Variants in RALGAPA1 observed in about 807,000 individuals in gnomAD.
The protein encoded by RALGAPA1 is ral GTPase-activating protein subunit alpha-1.
RALGAPA1 carries 52 observed loss-of-function variants against 269.6 expected under a neutral mutation model. The observed-to-expected ratio is 0.19, with a 90% CI of 0.15 to 0.24. RALGAPA1 has a LOEUF of 0.24. Among genes scored for constraint, RALGAPA1 ranks in the 10% least tolerant of loss-of-function variants. The probability of loss-of-function intolerance (pLI) is 1.00; values close to 1 mark genes in which losing one functional copy is unlikely to be tolerated. For synonymous variants in RALGAPA1, 817 were observed against 1,008.3 expected, an observed-to-expected ratio of 0.81 and a Z score of 3.60; for missense variants, 1,917 against 3,013.9, an observed-to-expected ratio of 0.64 and a Z score of 8.52.
At chr14:35,793,314 G>A (rs145629533) in intron 1 of RALGAPA1, among the ~76,000 whole-genome samples, 3,310 of 149,884 alleles carry the variant, frequency 0.022, 125 homozygotes, top group South Asian at 0.14. Context: ...CTCGGCTCAC[G>A]ACAACCTCCG....
intron 19 of RALGAPA1, among the ~76,000 whole-genome samples, chr14:35,685,796 C>T (rs2065874333): frequency 6.6e-6 from 1 of 152,114 alleles, no homozygotes; most frequent in African/African-American, 2.4e-5. Context: ...CCTAGCTACT[C>T]AGGGGGCTCA....
chr14:35,638,325 G>A (rs181844891), intron 31 of RALGAPA1, among the ~76,000 whole-genome samples: 141 of 152,268 alleles, frequency 9.3e-4, no homozygotes, highest in Admixed American at 2.8e-3. Context: ...AAAGCAGGGG[G>A]ATTAAGTTAA....
rs549300275 is a variant in RALGAPA1 at position 35,561,716 on chromosome 14, C to T, written c.7496+8901G>A. 1.8e-4 allele frequency among the ~76,000 whole-genome samples: 27 copies of T among 151,870 alleles called. No individual in the cohort carries two copies. The East Asian group carries it at 5.2e-3, about 29-fold the overall frequency. On this transcript the variant is annotated intron_variant, in intron 39 of 41. Transcript: ENST00000680220. ...GTAGAGACAGGGTTTCACTATATAG[C>T]CCAGGCTCGTCTTGAACTCCTGGCC... is the stretch of plus-strand genomic sequence containing the variant.
chr14:35,694,103 G>A (rs1180992263), intron 17 of RALGAPA1, among the ~76,000 whole-genome samples: 1 of 151,068 alleles, frequency 6.6e-6, no homozygotes, highest in African/African-American at 2.4e-5. Flanking sequence ...AAAAAAAAAA[G>A]TAGCTGCTTA....
intron 39 of RALGAPA1, among the ~76,000 whole-genome samples, chr14:35,565,204 G>A (rs2056591552): frequency 6.6e-6 from 1 of 151,584 alleles, no homozygotes; most frequent in African/African-American, 2.4e-5. Flanking sequence ...ATTATAATTT[G>A]TAATAAGGAT....
intron 36 of RALGAPA1, among the ~76,000 whole-genome samples, chr14:35,600,144 T>C (rs551909397): frequency 2.6e-5 from 4 of 151,638 alleles, no homozygotes; most frequent in Non-Finnish European, 4.4e-5. Flanking sequence ...ACTTTTTTTT[T>C]TTTTTGTTAA....
intron 16 of RALGAPA1, among the ~76,000 whole-genome samples, chr14:35,712,851 T>C (rs1297545700): frequency 1.3e-5 from 2 of 152,328 alleles, no homozygotes; most frequent in East Asian, 3.9e-4. Context: ...TACTTCACTT[T>C]TGAAGGACAA....
intron 35 of RALGAPA1, among the ~76,000 whole-genome samples, chr14:35,611,018 A>G (rs944855408): frequency 1.2e-4 from 18 of 152,230 alleles, no homozygotes; most frequent in Non-Finnish European, 8.8e-5. Flanking sequence ...GGGCCTAAAG[A>G]CTTAATATTG....
chr14:35,646,993 T>C (rs1458625178), intron 31 of RALGAPA1, among the ~76,000 whole-genome samples: 1 of 152,190 alleles, frequency 6.6e-6, no homozygotes, highest in Non-Finnish European at 1.5e-5. Context: ...AAGCTCTCAA[T>C]TGATGTTTCT....
intron 10 of RALGAPA1, among the ~76,000 whole-genome samples, chr14:35,746,217 T>C (rs1042318591): frequency 1.1e-4 from 17 of 152,102 alleles, no homozygotes; most frequent in African/African-American, 2.7e-4. Context: ...ATCAAACTTA[T>C]AAAAACAGAG....
Position 35,707,515 on chromosome 14 carries a change from G to C in RALGAPA1, c.2267-7213C>G, listed in dbSNP as rs548924995. ...TTTGCTGAGAGTTTTTATCCTAAAT[G>C]GGTGTTGGATTTTGCCAAATGTTTT... On this transcript the variant is annotated intron_variant, in intron 16 of 41. Coordinates refer to ENST00000680220, the MANE Select transcript of RALGAPA1 (RefSeq NM_001346249.2). 5 of 152,262 alleles carry C rather than the reference G, an allele frequency of 3.3e-5. No homozygotes were observed. The East Asian group carries it at 5.8e-4, about 18-fold the overall frequency. The allele number at this position is 152,262 out of a possible 1,614,324, so 9.4% of individuals were successfully genotyped here. A position where few individuals can be genotyped will look rare whatever the true frequency, so the allele number is the denominator to read the frequency against.
chr14:35,552,949 A>G (rs184607028), intron 39 of RALGAPA1, among the ~76,000 whole-genome samples: 3 of 152,340 alleles, frequency 2.0e-5, no homozygotes, highest in African/African-American at 7.2e-5. Context: ...CTTGATTTTA[A>G]GCTTCAAGAC....
In RALGAPA1 at chr14:35,688,960, G is replaced by T; in HGVS notation, c.3451C>A (p.His1151Asn). 8.1e-7 allele frequency: 1 copy of T among 1,237,848 alleles called. No homozygotes were observed. Among genetic ancestry groups the T allele is most frequent in the Non-Finnish European group, 1.0e-6 (1 of 991,370 alleles). 76.7% of individuals were successfully genotyped at this position (1,237,848 alleles called of 1,614,324 possible). A position where few individuals can be genotyped will look rare whatever the true frequency, so the allele number is the denominator to read the frequency against. Residue 1151 changes from histidine to asparagine, a missense_variant, in exon 18 of 42, where the codon CAT (histidine) becomes AAT (asparagine). Coordinates refer to ENST00000680220, the MANE Select transcript of RALGAPA1 (RefSeq NM_001346249.2). ...KIATKKRNSV[H>N]VTFRPSTESV... ...TCAGTGGATGGCCTAAAAGTAACAT[G>T]AACACTATTTCGTTTTTTAGTAGCA...
chr14:35,603,899 T>C (rs535680069), intron 36 of RALGAPA1, among the ~76,000 whole-genome samples: 2 of 152,120 alleles, frequency 1.3e-5, no homozygotes, highest in Non-Finnish European at 2.9e-5. Flanking sequence ...ACGAAACATA[T>C]AGTGAGATAG....
chr14:35,742,954 A>C (rs549587043), intron 10 of RALGAPA1, among the ~76,000 whole-genome samples: 1 of 152,274 alleles, frequency 6.6e-6, no homozygotes, highest in Non-Finnish European at 1.5e-5. Context: ...CAGGGGCAAG[A>C]CAGGAACCCA....
intron 37 of RALGAPA1, among the ~76,000 whole-genome samples, chr14:35,583,354 C>A (rs1054221862): frequency 2.0e-5 from 3 of 152,094 alleles, no homozygotes; most frequent in Non-Finnish European, 1.5e-5. Context: ...AGACAAGACA[C>A]AGCTGAGGAA....
At chr14:35,568,658 A>G (rs1006744093) in intron 39 of RALGAPA1, among the ~76,000 whole-genome samples, 2 of 152,162 alleles carry the variant, frequency 1.3e-5, no homozygotes, top group Non-Finnish European at 2.9e-5. Flanking sequence ...CCAGGCCCCA[A>G]AGGTAAAGGA....
chr14:35,689,314 T>A lies in RALGAPA1; in HGVS notation c.3097A>T (p.Thr1033Ser). The change falls in exon 18 of 42, where the codon ACT becomes TCT. Residue 1033 changes from threonine to serine, a missense_variant. Thr to Ser is a moderately conservative substitution (Grantham distance 58, BLOSUM62 1). Transcript: ENST00000680220. ...TTTAGTTGCTTAGATTTTTCAGAAG[T>A]TTGTGTTCTAAAAAAACTGTCTGAC... ...NQSDSFFRTQTSEKSKQLNTD... is the reference protein window; with the variant it reads ...NQSDSFFRTQSSEKSKQLNTD... The A allele has an allele frequency of 8.1e-7, 1 of 1,232,190 alleles. No homozygotes were observed. Among genetic ancestry groups the A allele is most frequent in the Non-Finnish European group, 1.0e-6 (1 of 988,036 alleles). The allele number at this position is 1,232,190 out of a possible 1,614,324, so 76.3% of individuals were successfully genotyped here.
intron 37 of RALGAPA1, among the ~76,000 whole-genome samples, chr14:35,591,669 A>G (rs77675026): frequency 2.3e-4 from 35 of 152,306 alleles, no homozygotes; most frequent in African/African-American, 7.9e-4. Context: ...TAAACATTGT[A>G]TCAGAGTCCA....
Sources: gnomAD v4.1 joint callset for allele counts (sites outside exome capture counted in the v4.1 genomes callset) on GRCh38, gnomAD v4.1.1 for gene constraint, MANE v1.5 for transcripts, NCBI Gene and HGNC (gene_info 2026-07-23, HGNC 2026-07-21) for gene names.